The following KLHL1 variants were observed in gnomAD, a reference collection of about 807,000 sequenced individuals.
The protein encoded by KLHL1 is kelch-like protein 1.
In KLHL1, 47 loss-of-function variants were observed where a neutral mutation model predicts 77.7. That is an observed-to-expected ratio of 0.60 (90% CI 0.48 to 0.77). The LOEUF (loss-of-function observed/expected upper bound fraction) is 0.77, where lower values mean the gene tolerates loss of function less well. Ranked by LOEUF, KLHL1 falls within the 30% of genes least tolerant of loss-of-function variation. The probability of loss-of-function intolerance (pLI) is 0.00; values close to 1 mark genes in which losing one functional copy is unlikely to be tolerated. For synonymous variants in KLHL1, 360 were observed against 325.2 expected, an observed-to-expected ratio of 1.11 and a Z score of -1.15; for missense variants, 925 against 910.8, an observed-to-expected ratio of 1.02 and a Z score of -0.20.
At chr13:69,709,753 A>C (rs1875792868) in intron 9 of KLHL1, among the ~76,000 whole-genome samples, 1 of 152,052 alleles carries the variant, frequency 6.6e-6, no homozygotes, top group Non-Finnish European at 1.5e-5. Flanking sequence ...GGAAAAAAGG[A>C]AGGACAGAGA....
chr13:70,053,007 A>C (rs559356740), intron 1 of KLHL1, among the ~76,000 whole-genome samples: 33 of 152,214 alleles, frequency 2.2e-4, no homozygotes, highest in African/African-American at 7.9e-4. Flanking sequence ...CCAGACATCC[A>C]AACAAGGCAG....
In KLHL1 at chr13:69,701,623, G is replaced by T; in HGVS notation, c.*79C>A. 1.0e-6 allele frequency: 1 copy of T among 978,086 alleles called. No individual in the cohort carries two copies. Among genetic ancestry groups the T allele is most frequent in the South Asian group, 1.4e-5 (1 of 70,136 alleles). The allele number at this position is 978,086 out of a possible 1,614,324, so 60.6% of individuals were successfully genotyped here. On this transcript the variant is annotated 3_prime_UTR_variant, in exon 11 of 11. Transcript: ENST00000377844. ...TTGTTCTTGAAGAGTTTTCATCTCT[G>T]GAAGTTCTCATTCTTGCCATTCAAT...
chr13:69,901,795 C>CTTTTTTTTTTTTTTTTT (rs1205221353), intron 4 of KLHL1, among the ~76,000 whole-genome samples: 1 of 40,794 alleles, frequency 2.5e-5, no homozygotes, highest in African/African-American at 9.6e-5. Flanking sequence ...TTCTTTTTTT[C>CTTTTTTTTTTTTTTTTT]TTTTTTTTTT....
At chr13:69,908,691 G>A (rs553111261) in intron 4 of KLHL1, among the ~76,000 whole-genome samples, 16 of 151,174 alleles carry the variant, frequency 1.1e-4, no homozygotes, top group South Asian at 6.3e-4. Context: ...AATTTCCATA[G>A]CTTATGTAGA....
At chr13:69,955,755 G>A (rs2137261020) in intron 3 of KLHL1, among the ~76,000 whole-genome samples, 1 of 149,868 alleles carries the variant, frequency 6.7e-6, no homozygotes, top group East Asian at 2.0e-4. Context: ...CAAAATGTGA[G>A]CATCCATTTT....
intron 1 of KLHL1, among the ~76,000 whole-genome samples, chr13:70,027,001 T>C (rs1885966775): frequency 6.6e-6 from 1 of 152,104 alleles, no homozygotes; most frequent in Admixed American, 6.6e-5. Context: ...ATTGACTTTA[T>C]GCCCTGAATT....
chr13:69,985,909 G>GTT (rs1191928734), intron 1 of KLHL1, among the ~76,000 whole-genome samples: 8 of 135,828 alleles, frequency 5.9e-5, no homozygotes, highest in African/African-American at 2.3e-4. Flanking sequence ...ATATATGTAA[G>GTT]TTATATATAT....
intron 4 of KLHL1, among the ~76,000 whole-genome samples, chr13:69,939,192 G>A (rs1353717286): frequency 2.0e-5 from 3 of 150,866 alleles, no homozygotes; most frequent in East Asian, 3.9e-4. Context: ...TATGAGACTT[G>A]TAACTGGTTA....
intron 1 of KLHL1, among the ~76,000 whole-genome samples, chr13:70,043,961 C>T (rs994788545): frequency 2.0e-5 from 3 of 152,214 alleles, no homozygotes; most frequent in Non-Finnish European, 4.4e-5. Context: ...GTCTTCACTG[C>T]AATTCTTACT....
chr13:69,989,982 G>T (rs1019426159), intron 1 of KLHL1, among the ~76,000 whole-genome samples: 14 of 151,842 alleles, frequency 9.2e-5, no homozygotes, highest in African/African-American at 3.4e-4. Context: ...GACTTGATCA[G>T]CAGAAACCCT....
At chr13:69,988,995 T>C (rs1013426708) in intron 1 of KLHL1, among the ~76,000 whole-genome samples, 1 of 152,178 alleles carries the variant, frequency 6.6e-6, no homozygotes, top group African/African-American at 2.4e-5. Flanking sequence ...TTGCTTTTGC[T>C]GAATTTGCTT....
At chr13:69,898,715 C>G (rs529563735) in intron 4 of KLHL1, among the ~76,000 whole-genome samples, 5 of 152,300 alleles carry the variant, frequency 3.3e-5, no homozygotes, top group Admixed American at 3.3e-4. Flanking sequence ...ATGTGGAAAA[C>G]TGTGAACCTA....
intron 4 of KLHL1, among the ~76,000 whole-genome samples, chr13:69,921,980 G>A (rs931892696): frequency 6.1e-5 from 9 of 147,914 alleles, no homozygotes; most frequent in South Asian, 2.1e-4. Context: ...CCAGGCTGGA[G>A]TGCAGTGGTG....
chr13:69,747,895 T>C (rs560811401), intron 7 of KLHL1, among the ~76,000 whole-genome samples: 1 of 152,024 alleles, frequency 6.6e-6, no homozygotes, highest in East Asian at 1.9e-4. Flanking sequence ...TAATTAAAAA[T>C]ATATTACTAT....
chr13:69,808,330 C>A lies in KLHL1; in HGVS notation c.1415-11368G>T, dbSNP rs113902680. On this transcript the variant is annotated intron_variant, in intron 6 of 10. Coordinates refer to ENST00000377844, the MANE Select transcript of KLHL1 (RefSeq NM_020866.3). Reference sequence around the variant, plus strand: ...CTGTTCCCACCACTACCTACTGTCTCTTACTCTTAAGGACCACCTAGTAGA... The same window carrying A: ...CTGTTCCCACCACTACCTACTGTCTATTACTCTTAAGGACCACCTAGTAGA... Among the ~76,000 whole-genome samples the A allele has an allele frequency of 8.5e-4, 130 of 152,232 alleles. 1 individual carries two copies. The highest frequency in any genetic ancestry group is 3.0e-3 in the African/African-American group (126 of 41,560).
At chr13:69,839,193 T>C in intron 5 of KLHL1, 31 bp from the exon 6 acceptor site, 1 of 1,436,690 alleles carries the variant, frequency 7.0e-7, no homozygotes, top group Non-Finnish European at 9.5e-7. Flanking sequence ...CTGTTAATAA[T>C]GTTTTCAAAG....
chr13:69,768,513 G>C (rs1245367298), intron 7 of KLHL1, among the ~76,000 whole-genome samples: 1 of 152,012 alleles, frequency 6.6e-6, no homozygotes, highest in African/African-American at 2.4e-5. Context: ...GTTTTCAAAT[G>C]ATGTATGTAA....
intron 7 of KLHL1, among the ~76,000 whole-genome samples, chr13:69,746,382 C>A (rs1040396873): frequency 6.6e-6 from 1 of 151,546 alleles, no homozygotes; most frequent in African/African-American, 2.4e-5. Flanking sequence ...TAAATATTTC[C>A]TTTTATTTAG....
chr13:69,772,569 ATCTAC>A (rs1319095849), intron 7 of KLHL1, among the ~76,000 whole-genome samples: 3 of 152,172 alleles, frequency 2.0e-5, no homozygotes, highest in Non-Finnish European at 4.4e-5. Flanking sequence ...TGTTTTCTAA[ATCTAC>A]TCTAGTTTGT....
Sources: allele counts gnomAD v4.1 joint callset (sites outside exome capture counted in the v4.1 genomes callset), GRCh38; gene constraint gnomAD v4.1.1; transcripts MANE v1.5; gene names NCBI Gene and HGNC (gene_info 2026-07-23, HGNC 2026-07-21).